Variants in FANCL observed in about 807,000 individuals in gnomAD.
The protein encoded by FANCL is E3 ubiquitin-protein ligase FANCL.
In FANCL, 69 loss-of-function variants were observed where a neutral mutation model predicts 59.4. That is an observed-to-expected ratio of 1.16 (90% confidence interval 0.96 to 1.42). The LOEUF is 1.42. Among genes scored for constraint, FANCL ranks in the 40% most tolerant of loss-of-function variants. The probability of loss-of-function intolerance (pLI) is 0.00; values close to 1 mark genes in which losing one functional copy is unlikely to be tolerated. For synonymous variants in FANCL, 180 were observed against 147.1 expected, an observed-to-expected ratio of 1.22 and a Z score of -1.62; for missense variants, 519 against 447.2, an observed-to-expected ratio of 1.16 and a Z score of -1.45.
At chr2:58,229,563 G>A (rs1216845298) in intron 3 of FANCL, among the ~76,000 whole-genome samples, 2 of 152,060 alleles carry the variant, frequency 1.3e-5, no homozygotes, top group African/African-American at 4.8e-5. Flanking sequence ...AAGAAGTGAT[G>A]GATATGGATA....
At chr2:58,215,464 T>G (rs1420676927) in intron 5 of FANCL, among the ~76,000 whole-genome samples, 2 of 152,054 alleles carry the variant, frequency 1.3e-5, no homozygotes, top group Non-Finnish European at 2.9e-5. Context: ...GACCAACACT[T>G]CTACAGTGAA....
At chr2:58,206,482 T>C (rs1690594810) in intron 5 of FANCL, among the ~76,000 whole-genome samples, 1 of 147,132 alleles carries the variant, frequency 6.8e-6, no homozygotes, top group African/African-American at 2.4e-5. Context: ...AGAGAAGGCA[T>C]GCACGTTTAA....
chr2:58,185,738 A>C (rs1316468305), intron 7 of FANCL, among the ~76,000 whole-genome samples: 2 of 152,142 alleles, frequency 1.3e-5, no homozygotes, highest in Non-Finnish European at 2.9e-5. Context: ...AAAGCCTTAA[A>C]ATGTATCTCA....
intron 7 of FANCL, among the ~76,000 whole-genome samples, chr2:58,196,297 T>A (rs1263595068): frequency 2.0e-5 from 3 of 152,010 alleles, no homozygotes; most frequent in African/African-American, 7.2e-5. Flanking sequence ...TCTTAAAACA[T>A]TTTATTTTTA....
intron 6 of FANCL, among the ~76,000 whole-genome samples, chr2:58,200,223 AT>A (rs769069044): frequency 6.6e-6 from 1 of 152,064 alleles, no homozygotes; most frequent in Non-Finnish European, 1.5e-5. Context: ...TGGAAAAACA[AT>A]TTGTATGCCA....
chr2:58,234,274 A>G (rs942059381), intron 1 of FANCL, among the ~76,000 whole-genome samples: 3 of 152,074 alleles, frequency 2.0e-5, no homozygotes, highest in Admixed American at 1.3e-4. Context: ...TTTTAAAACT[A>G]AAATGAGAAA....
chr2:58,223,277 T>C (rs1274493820), intron 4 of FANCL, among the ~76,000 whole-genome samples: 2 of 152,042 alleles, frequency 1.3e-5, no homozygotes, highest in Non-Finnish European at 2.9e-5. Flanking sequence ...TGCCTAAAAA[T>C]AGACTGATGG....
chr2:58,210,859 G>C (rs1202420741), intron 5 of FANCL, among the ~76,000 whole-genome samples: 1 of 152,178 alleles, frequency 6.6e-6, no homozygotes, highest in East Asian at 1.9e-4. Flanking sequence ...AGATCATGCT[G>C]ATACAAGAGT....
intron 7 of FANCL, among the ~76,000 whole-genome samples, chr2:58,170,092 A>C (rs1472984922): frequency 4.6e-5 from 7 of 152,214 alleles, no homozygotes; most frequent in Admixed American, 4.6e-4. Flanking sequence ...GGTCAGATTC[A>C]TCAAGGTTGA....
Position 58,171,652 on chromosome 2 carries a change from C to T in FANCL, c.541-5778G>A, listed in dbSNP as rs796725052. On this transcript the variant is annotated intron_variant, in intron 7 of 13. Coordinates refer to ENST00000233741, the MANE Select transcript of FANCL (RefSeq NM_018062.4). ...CAAGATGGCCGAATAGGAACAGCTCCGGTCTACAGCTCCCAGGGTGAGCGA... is the reference window on the plus strand; with the variant it reads ...CAAGATGGCCGAATAGGAACAGCTCTGGTCTACAGCTCCCAGGGTGAGCGA... 3.2e-4 allele frequency among the ~76,000 whole-genome samples: 48 copies of T among 152,286 alleles called. 1 individual carries two copies. Among genetic ancestry groups the T allele is most frequent in the African/African-American group, 1.1e-3 (44 of 41,550 alleles).
intron 7 of FANCL, among the ~76,000 whole-genome samples, chr2:58,185,641 A>G (rs560025919): frequency 9.1e-4 from 138 of 152,290 alleles, no homozygotes; most frequent in African/African-American, 3.3e-3. Context: ...GACCCCGATA[A>G]TTAAGCAGGG....
intron 4 of FANCL, 113 bp downstream of exon 4, chr2:58,226,615 T>C (rs1195717489): frequency 1.1e-5 from 9 of 790,176 alleles, no homozygotes; most frequent in Non-Finnish European, 1.9e-5. Flanking sequence ...AAACATCAAA[T>C]GACTGAGAGT....
rs1165282908 is a variant in FANCL, at chr2:58,232,104, G to A, written c.105C>T (p.Asp35=). ...YEGFISAQGR[D]FHLRIVLPED... ...CAGGCAACACTATCCTAAGGTGGAA[G>A]TCTCTTCCCTGTGGAAAATATTGAA... Residue 35 remains aspartate (D), a synonymous_variant, in exon 2 of 14, where the codon GAC becomes GAT. Transcript: ENST00000233741. 6.2e-7 allele frequency: 1 copy of A among 1,612,908 alleles called. No individual in the cohort carries two copies. The highest frequency in any genetic ancestry group is 8.5e-7 in the Non-Finnish European group (1 of 1,179,258).
intron 6 of FANCL, among the ~76,000 whole-genome samples, chr2:58,200,914 G>C (rs755125058): frequency 1.5e-4 from 22 of 151,044 alleles, no homozygotes; most frequent in Non-Finnish European, 2.8e-4. Context: ...CTTCATATCT[G>C]AGTTAAATGA....
chr2:58,213,303 G>A (rs1691363022), intron 5 of FANCL, among the ~76,000 whole-genome samples: 1 of 152,196 alleles, frequency 6.6e-6, no homozygotes, highest in Admixed American at 6.5e-5. Flanking sequence ...CTAGTATGTG[G>A]ACAGCACAGT....
chr2:58,169,760 C>T (rs1447243939), intron 7 of FANCL, among the ~76,000 whole-genome samples: 1 of 151,674 alleles, frequency 6.6e-6, no homozygotes, highest in Non-Finnish European at 1.5e-5. Flanking sequence ...GAAGCATACA[C>T]AAGTATCAAT....
rs5831491 is a variant in FANCL at position 58,202,239 on chromosome 2, T to TAAA, written c.471+1888_471+1890dup. On this transcript the variant is annotated intron_variant, in intron 6 of 13. Transcript: ENST00000233741. The stretch of plus-strand genomic sequence containing the variant: ...TTTATATATACCTATACCTTTTTCC[T>TAAA]AAAAAAAAAAAAAAAAAAAAAAGAC... Among the ~76,000 whole-genome samples, 848 of 106,056 alleles carry TAAA rather than the reference T, an allele frequency of 8.0e-3. 20 individuals carry two copies. The highest frequency in any genetic ancestry group is 0.027 in the African/African-American group (754 of 27,630). The allele number at this position is 106,056 out of a possible 152,430, so 69.6% of individuals were successfully genotyped here.
chr2:58,179,055 A>G (rs1367532043), intron 7 of FANCL, among the ~76,000 whole-genome samples: 1 of 152,208 alleles, frequency 6.6e-6, no homozygotes, highest in African/African-American at 2.4e-5. Context: ...AAGGAGAACT[A>G]CAAACCACTG....
intron 7 of FANCL, among the ~76,000 whole-genome samples, chr2:58,184,829 C>T (rs747219246): frequency 9.2e-5 from 14 of 151,972 alleles, no homozygotes; most frequent in East Asian, 3.9e-4. Context: ...TCCCCCAAAA[C>T]GGGAGGAAAC....
Sources: allele counts gnomAD v4.1 joint callset (sites outside exome capture counted in the v4.1 genomes callset), GRCh38; gene constraint gnomAD v4.1.1; transcripts MANE v1.5; gene names NCBI Gene and HGNC (gene_info 2026-07-23, HGNC 2026-07-21).